Variants in ATG2B observed in about 807,000 individuals in gnomAD.
The protein encoded by ATG2B is autophagy related 2B.
In ATG2B, 121 loss-of-function variants were observed where a neutral mutation model predicts 241.3. The ratio of observed to expected loss-of-function variants is 0.50; its 90% CI spans 0.43 to 0.58. The LOEUF (loss-of-function observed/expected upper bound fraction) is 0.58, where lower values mean the gene tolerates loss of function less well. ATG2B is among the 20% of genes least tolerant of loss of function. ATG2B has a pLI of 0.00. For missense variants in ATG2B, 2,306 were observed against 2,491.6 expected (o/e 0.93, Z 1.59); for synonymous variants, 858 against 876.6 (o/e 0.98, Z 0.37).
At chr14:96,305,957 T>G in intron 30 of ATG2B, 142 bp from the exon 31 acceptor site, 1 of 650,946 alleles carries the variant, frequency 1.5e-6, no homozygotes, top group South Asian at 2.0e-5. Flanking sequence ...TTACCGACAT[T>G]AGTCACCACA....
rs554510857 is a variant in ATG2B at position 96,289,445 on chromosome 14, C to A, written c.6006+211G>T. The A allele has an allele frequency of 2.1e-5, 10 of 487,134 alleles. No homozygotes were observed. The East Asian group carries it at 3.5e-4, about 17-fold the overall frequency. The allele number at this position is 487,134 out of a possible 1,614,324, so 30.2% of individuals were successfully genotyped here. ...TGAAGAGAGAGAATCCATCCACCCACGCAATCACTAGTATTCCTGTCAGCC... is the reference window on the plus strand; with the variant it reads ...TGAAGAGAGAGAATCCATCCACCCAAGCAATCACTAGTATTCCTGTCAGCC... On this transcript the variant is annotated intron_variant, in intron 41 of 41. Coordinates refer to ENST00000359933, the MANE Select transcript of ATG2B (RefSeq NM_018036.7). The surrounding 1 kb of genome is among the most constrained non-coding windows in gnomAD (Gnocchi z 4.3).
In ATG2B at chr14:96,345,405, A is replaced by G. The variant is rs746183885; in HGVS notation, c.326-20T>C. 7.7e-6 allele frequency: 12 copies of G among 1,558,654 alleles called. No homozygotes were observed. In the East Asian group the frequency reaches 2.8e-4, roughly 36 times the overall value. On this transcript the variant is annotated intron_variant, in intron 2 of 41. Transcript: ENST00000359933. The stretch of plus-strand genomic sequence containing the variant: ...CAGTTGCTGTGGAAAATATAAATTA[A>G]TCCTAAATAATTTCTTAAGAGTTAC...
chr14:96,285,836 G>C lies in ATG2B; in HGVS notation c.6156C>G (p.Asn2052Lys), dbSNP rs756755756. The C allele has an allele frequency of 4.3e-6, 7 of 1,614,010 alleles. No individual in the cohort carries two copies. In the Admixed American group the frequency reaches 1.2e-4, roughly 27 times the overall value. The change falls in exon 42 of 42, where the codon AAC becomes AAG. Residue 2052 changes from asparagine (N) to lysine (K), a missense_variant. This residue lies in a region of ATG2B where 379 missense variants were observed against 480.4 expected (regional missense o/e 0.79). Coordinates refer to ENST00000359933, the MANE Select transcript of ATG2B (RefSeq NM_018036.7). This position sits in a 1 kb window ranked among gnomAD's most constrained non-coding sequence, Gnocchi z 4.2. ...TTTGGTTTCTCATGCCACCCAGCAC[G>C]TTTGACGTTGCTTCTGTGGCAACAA... ...PLIVATEATS[N>K]VLGGMRNQIR...
chr14:96,356,860 C>A (rs959907363), intron 1 of ATG2B, among the ~76,000 whole-genome samples: 4 of 152,160 alleles, frequency 2.6e-5, no homozygotes, highest in Non-Finnish European at 1.5e-5. Context: ...TCACAGTAAA[C>A]AGAAAGTTAG....
At chr14:96,355,439 G>C (rs912745368) in intron 1 of ATG2B, among the ~76,000 whole-genome samples, 1 of 152,144 alleles carries the variant, frequency 6.6e-6, no homozygotes, top group Non-Finnish European at 1.5e-5. Flanking sequence ...GATAGTTGCA[G>C]GTGTGAGAAG....
Position 96,283,425 on chromosome 14 carries a change from G to A in ATG2B, c.*2330C>T, listed in dbSNP as rs1358153795. On this transcript the variant is annotated 3_prime_UTR_variant, in exon 42 of 42. Transcript: ENST00000359933. ...CCAGAGAGGACTCTCACTGGACGAG[G>A]CCCAGTGGTCTGAGGCTCTGTACAA... 3 of 152,174 alleles carry A rather than the reference G, an allele frequency of 2.0e-5. No individual in the cohort carries two copies. The highest frequency in any genetic ancestry group is 7.2e-5 in the African/African-American group (3 of 41,412). 9.4% of individuals were successfully genotyped at this position (152,174 alleles called of 1,614,324 possible). A position where few individuals can be genotyped will look rare whatever the true frequency, so the allele number is the denominator to read the frequency against.
chr14:96,297,383 A>G (rs1886673387), intron 34 of ATG2B, among the ~76,000 whole-genome samples: 1 of 151,658 alleles, frequency 6.6e-6, no homozygotes, highest in Admixed American at 6.6e-5. Context: ...GATGCTAATC[A>G]CCAGCTTTTT....
intron 6 of ATG2B, among the ~76,000 whole-genome samples, chr14:96,337,233 A>T (rs2139887298): frequency 6.6e-6 from 1 of 152,346 alleles, no homozygotes; most frequent in East Asian, 1.9e-4. Context: ...GGAGATCAGT[A>T]AATAAACAAA....
At chr14:96,320,314 T>C (rs1017012824) in intron 18 of ATG2B, among the ~76,000 whole-genome samples, 2 of 152,160 alleles carry the variant, frequency 1.3e-5, no homozygotes, top group African/African-American at 4.8e-5. Context: ...CTTTTAAGTA[T>C]AGTTTAAATA....
Position 96,345,240 on chromosome 14 carries a change from A to G in ATG2B, c.471T>C (p.Ile157=). The G allele has an allele frequency of 3.1e-6, 5 of 1,609,836 alleles. No homozygotes were observed. Among genetic ancestry groups the G allele is most frequent in the Non-Finnish European group, 3.4e-6 (4 of 1,178,658 alleles). Reference sequence around the variant, plus strand: ...TTCTCAGTAACACCAAACCTGTTTCAATGGTTTCAGCAAACTTTTCAAGTC... The same window carrying G: ...TTCTCAGTAACACCAAACCTGTTTCGATGGTTTCAGCAAACTTTTCAAGTC... ...FEGLEKFAET[I]ETVLRRVKVT... The change falls in exon 3 of 42, where the codon ATT becomes ATC. Residue 157 remains isoleucine (I), a synonymous_variant. Coordinates refer to ENST00000359933, the MANE Select transcript of ATG2B (RefSeq NM_018036.7).
Position 96,316,580 on chromosome 14 carries a change from T to C in ATG2B, c.3314A>G (p.Lys1105Arg). The change falls in exon 21 of 42, where the codon AAG becomes AGG. Residue 1105 changes from lysine to arginine, a missense_variant. By Grantham distance (26) the Lys-to-Arg change is conservative (BLOSUM62 2). Around this residue, in one of 2 missense-constraint regions of ATG2B, gnomAD observed 1,927 missense variants for 2,011.2 expected, o/e 0.96. Coordinates refer to ENST00000359933, the MANE Select transcript of ATG2B (RefSeq NM_018036.7). ...GCTAGAATGAAGGCAAATGTAGTGC[T>C]TGTCATCAAAACCTTCATATTTTGT... ...CVTKYEGFDD[K>R]HYICLHSSSF... 2 of 1,613,772 alleles carry C rather than the reference T, an allele frequency of 1.2e-6. No homozygotes were observed. The highest frequency in any genetic ancestry group is 1.7e-6 in the Non-Finnish European group (2 of 1,179,854).
chr14:96,356,998 T>C (rs894895775), intron 1 of ATG2B, among the ~76,000 whole-genome samples: 3 of 152,176 alleles, frequency 2.0e-5, no homozygotes, highest in Non-Finnish European at 2.9e-5. Context: ...CCTTGCTCCA[T>C]GTTCCCCCTA....
chr14:96,318,097 A>T (rs1383912694), intron 18 of ATG2B: 1 of 335,676 alleles, frequency 3.0e-6, no homozygotes, highest in African/African-American at 2.1e-5. Context: ...TTAGATACCT[A>T]AATAGATACT....
chr14:96,338,498 G>A (rs1887925141), intron 6 of ATG2B, among the ~76,000 whole-genome samples: 1 of 151,990 alleles, frequency 6.6e-6, no homozygotes, highest in African/African-American at 2.4e-5. Flanking sequence ...TTATCATAAA[G>A]GGATGCTGAA....
rs1886267997 is a variant in ATG2B, at chr14:96,283,885, T to C, written c.*1870A>G. Reference sequence around the variant, plus strand: ...AGAACAAAGAAAGAACCGCGGAGATTACATTACAAAGATATATGTTTAAAT... The same window carrying C: ...AGAACAAAGAAAGAACCGCGGAGATCACATTACAAAGATATATGTTTAAAT... On this transcript the variant is annotated 3_prime_UTR_variant, in exon 42 of 42. Coordinates refer to ENST00000359933, the MANE Select transcript of ATG2B (RefSeq NM_018036.7). 1 of 152,202 alleles carries C rather than the reference T, an allele frequency of 6.6e-6. No homozygotes were observed. The allele number at this position is 152,202 out of a possible 1,614,324, so 9.4% of individuals were successfully genotyped here. A position where few individuals can be genotyped will look rare whatever the true frequency, so the allele number is the denominator to read the frequency against.
At chr14:96,353,494 C>A (rs1888387385) in intron 1 of ATG2B, among the ~76,000 whole-genome samples, 1 of 152,016 alleles carries the variant, frequency 6.6e-6, no homozygotes, top group African/African-American at 2.4e-5. Context: ...GGCATGGTGA[C>A]ATGGGCCTGT....
chr14:96,328,232 G>A (rs1887634485), intron 14 of ATG2B, 115 bp downstream of exon 14: 3 of 626,418 alleles, frequency 4.8e-6, no homozygotes, highest in Non-Finnish European at 4.9e-6. Flanking sequence ...TACAAATAAT[G>A]CTATTTTAAT....
intron 41 of ATG2B, among the ~76,000 whole-genome samples, chr14:96,288,831 A>C (rs1886407213): frequency 6.6e-6 from 1 of 150,462 alleles, no homozygotes; most frequent in Admixed American, 6.6e-5. Context: ...AACAGGGTTC[A>C]CTGGCACAAC....
rs767842219 is a variant in ATG2B, at chr14:96,290,545, C to T, written c.5747G>A (p.Arg1916Gln). 16 of 1,614,056 alleles carry T rather than the reference C, an allele frequency of 9.9e-6. No individual in the cohort carries two copies. The highest frequency in any genetic ancestry group is 8.0e-5 in the African/African-American group (6 of 74,918). The change falls in exon 40 of 42, where the codon CGG (arginine) becomes CAG (glutamine). Residue 1916 changes from arginine to glutamine, a missense_variant. Physicochemically the swap from Arg to Gln is conservative, Grantham distance 43. Around this residue, in one of 2 missense-constraint regions of ATG2B, gnomAD observed 379 missense variants for 480.4 expected, o/e 0.79. Coordinates refer to ENST00000359933, the MANE Select transcript of ATG2B (RefSeq NM_018036.7). The surrounding 1 kb of genome is among the most constrained non-coding windows in gnomAD (Gnocchi z 4.4). ...DLVWLPIEQY[R>Q]KDGRIVRGFQ... ...CCCTCTGACAATGCGGCCATCCTTCCGGTACTGCTCTATTGGGAGCCAGAC... is the reference window on the plus strand; with the variant it reads ...CCCTCTGACAATGCGGCCATCCTTCTGGTACTGCTCTATTGGGAGCCAGAC...
Sources: gnomAD v4.1 joint callset for allele counts (sites outside exome capture counted in the v4.1 genomes callset) on GRCh38, gnomAD v4.1.1 for gene constraint, gnomAD v4.1.1 regional missense constraint, Gnocchi (gnomAD v3.1) non-coding constraint, MANE v1.5 for transcripts, NCBI Gene and HGNC (gene_info 2026-07-23, HGNC 2026-07-21) for gene names.